SLAMF6: variants seen among roughly 807,000 people sequenced by gnomAD.
SLAMF6 encodes the protein NK-T-B-antigen.
SLAMF6 carries 21 observed loss-of-function variants against 38.3 expected under a neutral mutation model. The observed-to-expected ratio is 0.55, with a 90% CI of 0.39 to 0.79. The LOEUF is 0.79. Ranked by LOEUF, SLAMF6 falls within the 30% of genes least tolerant of loss-of-function variation. SLAMF6 has a pLI of 0.00. For synonymous variants in SLAMF6, 152 were observed against 146.3 expected, an observed-to-expected ratio of 1.04 and a Z score of -0.28; for missense variants, 341 against 385.3, an observed-to-expected ratio of 0.89 and a Z score of 0.96.
rs1653229866 is a variant in SLAMF6 at position 160,490,565 on chromosome 1, G to A, written c.757+10C>T. ...TGGAGAAGAGACAAGTAGGAAGAAA[G>A]GAAACCTGCCTCTTCTTTTCCTCAA... On this transcript the variant is annotated intron_variant, in intron 4 of 7. Transcript: ENST00000368057. 16 of 1,609,938 alleles carry A rather than the reference G, an allele frequency of 9.9e-6. No homozygotes were observed. The highest frequency in any genetic ancestry group is 1.7e-5 in the Admixed American group (1 of 59,038).
chr1:160,497,562 C>T (rs1191824749), intron 1 of SLAMF6, among the ~76,000 whole-genome samples: 2 of 152,128 alleles, frequency 1.3e-5, no homozygotes, highest in Non-Finnish European at 2.9e-5. Context: ...AGATTTGTTA[C>T]ATGGGTATAT....
At chr1:160,501,858 A>G (rs1194948708) in intron 1 of SLAMF6, among the ~76,000 whole-genome samples, 1 of 151,624 alleles carries the variant, frequency 6.6e-6, no homozygotes, top group Admixed American at 6.6e-5. Flanking sequence ...GAAGGGGAGA[A>G]AGGAGTTTGT....
Position 160,490,632 on chromosome 1 carries a change from T to C in SLAMF6, c.700A>G (p.Ile234Val), listed in dbSNP as rs771866172. 9.3e-6 allele frequency: 15 copies of C among 1,613,764 alleles called. No homozygotes were observed. The highest frequency in any genetic ancestry group is 7.7e-5 in the South Asian group (7 of 91,054). Reference protein sequence around the residue: ...TKMILFMVSGICIVFGFIILL... With the variant: ...TKMILFMVSGVCIVFGFIILL... ...ATGATGAAACCGAAGACTATGCATA[T>C]CCCAGAAACCATAAACAGAATCATT... Residue 234 changes from isoleucine to valine, a missense_variant, in exon 4 of 8, where the codon ATA becomes GTA. Transcript: ENST00000368057.
chr1:160,492,066 G>A (rs571242021), intron 2 of SLAMF6, among the ~76,000 whole-genome samples: 86 of 152,270 alleles, frequency 5.6e-4, no homozygotes, highest in Admixed American at 4.8e-3. Context: ...AAAGAAGTGC[G>A]GCGTATCTAG....
At chr1:160,501,270 A>C (rs568386353) in intron 1 of SLAMF6, among the ~76,000 whole-genome samples, 1 of 152,148 alleles carries the variant, frequency 6.6e-6, no homozygotes, top group Non-Finnish European at 1.5e-5. Flanking sequence ...CCATCATCTG[A>C]TAGAGGAGCC....
intron 3 of SLAMF6, 58 bp downstream of exon 3, chr1:160,491,067 G>T: frequency 6.3e-7 from 1 of 1,593,084 alleles, no homozygotes. Context: ...CGTAGGATGT[G>T]AGGACGCGTT....
intron 1 of SLAMF6, among the ~76,000 whole-genome samples, chr1:160,520,006 A>G (rs1654914161): frequency 6.6e-6 from 1 of 152,196 alleles, no homozygotes; most frequent in Non-Finnish European, 1.5e-5. Flanking sequence ...AAGGGACCAA[A>G]AACAGAGGCA....
intron 1 of SLAMF6, 101 bp from the exon 2 acceptor site, chr1:160,496,494 G>T: frequency 8.7e-7 from 1 of 1,153,944 alleles, no homozygotes; most frequent in Non-Finnish European, 1.2e-6. Flanking sequence ...AGAGCTCTCT[G>T]ATACCAAAAC....
chr1:160,496,146 C>T lies in SLAMF6; in HGVS notation c.297G>A (p.Leu99=). The T allele has an allele frequency of 2.5e-6, 4 of 1,613,944 alleles. No individual in the cohort carries two copies. The highest frequency in any genetic ancestry group is 1.1e-5 in the South Asian group (1 of 91,078). ...TGTAAGAGCCTGTGTCTTCCATCTT[C>T]AGGTTGCTGAGTTGCAGGGAGTAGG... is the stretch of plus-strand genomic sequence containing the variant. The part of the protein sequence containing the change: ...TQSYSLQLSN[L]KMEDTGSYRA... Residue 99 remains leucine (L), a synonymous_variant, in exon 2 of 8, where the codon CTG becomes CTA. Transcript: ENST00000368057.
chr1:160,490,695 G>A lies in SLAMF6; in HGVS notation c.647-10C>T, dbSNP rs766128587. The A allele has an allele frequency of 8.7e-6, 14 of 1,609,398 alleles. No homozygotes were observed. In the East Asian group the frequency reaches 3.1e-4, roughly 36 times the overall value. ...TATTGAATTTTAACATCTGAAAAGA[G>A]AAAAAAGAAATGACATTTGAGACAC... On this transcript the variant is annotated splice_polypyrimidine_tract_variant and intron_variant, in intron 3 of 7. Transcript: ENST00000368057.
chr1:160,498,635 G>T (rs1400667205), intron 1 of SLAMF6, among the ~76,000 whole-genome samples: 1 of 152,178 alleles, frequency 6.6e-6, no homozygotes, highest in Non-Finnish European at 1.5e-5. Context: ...CCCATGACAT[G>T]TGGGAATAAT....
chr1:160,511,655 GA>G (rs1190213786), intron 1 of SLAMF6, among the ~76,000 whole-genome samples: 1 of 152,220 alleles, frequency 6.6e-6, no homozygotes, highest in East Asian at 1.9e-4. Flanking sequence ...TTTGATTTGG[GA>G]ATGGATTCTG....
chr1:160,500,274 G>A (rs1230450591), intron 1 of SLAMF6, among the ~76,000 whole-genome samples: 1 of 152,220 alleles, frequency 6.6e-6, no homozygotes, highest in African/African-American at 2.4e-5. Flanking sequence ...ACAAAATCAT[G>A]TCTATGGTCT....
intron 1 of SLAMF6, among the ~76,000 whole-genome samples, chr1:160,501,952 AC>A (rs201208056): frequency 0.012 from 1,758 of 152,188 alleles, 41 homozygotes; most frequent in East Asian, 0.083. Flanking sequence ...CCAAAGCAAA[AC>A]TAGATTTGAG....
At chr1:160,497,971 T>A (rs375298984) in intron 1 of SLAMF6, among the ~76,000 whole-genome samples, 2 of 152,322 alleles carry the variant, frequency 1.3e-5, no homozygotes, top group East Asian at 3.9e-4. Flanking sequence ...GGTATAATGA[T>A]CTATTTTCCT....
At chr1:160,515,116 G>C (rs1442734548) in intron 1 of SLAMF6, among the ~76,000 whole-genome samples, 2 of 151,976 alleles carry the variant, frequency 1.3e-5, no homozygotes, top group Non-Finnish European at 2.9e-5. Context: ...TAGTTAGCTA[G>C]ACTAACAAAG....
intron 1 of SLAMF6, among the ~76,000 whole-genome samples, chr1:160,513,865 A>T (rs1654615644): frequency 6.6e-6 from 1 of 152,228 alleles, no homozygotes; most frequent in Non-Finnish European, 1.5e-5. Flanking sequence ...TGAAGGAAGC[A>T]CTAAATATGG....
intron 1 of SLAMF6, 151 bp downstream of exon 1, chr1:160,522,993 T>TA (rs1655058584): frequency 1.4e-6 from 1 of 714,336 alleles, no homozygotes; most frequent in Non-Finnish European, 2.4e-6. Flanking sequence ...GAGGAGGTAG[T>TA]AGTATATCAG....
chr1:160,520,340 C>A (rs1654927809), intron 1 of SLAMF6, among the ~76,000 whole-genome samples: 1 of 152,108 alleles, frequency 6.6e-6, no homozygotes, highest in Non-Finnish European at 1.5e-5. Context: ...AAGTTAGTTT[C>A]TATTTCTTCC....
Sources: allele counts gnomAD v4.1 joint callset (sites outside exome capture counted in the v4.1 genomes callset), GRCh38; gene constraint gnomAD v4.1.1; transcripts MANE v1.5; gene names NCBI Gene and HGNC (gene_info 2026-07-23, HGNC 2026-07-21).